Variants in NRCAM observed in about 807,000 individuals in gnomAD.
The protein encoded by NRCAM is NgCAM-related cell adhesion molecule.
Under a neutral mutation model 156.5 loss-of-function variants are expected in NRCAM, and 83 were observed. The ratio of observed to expected loss-of-function variants is 0.53; its 90% CI spans 0.44 to 0.64. The LOEUF (loss-of-function observed/expected upper bound fraction) is 0.64. Among genes scored for constraint, NRCAM ranks in the 30% least tolerant of loss-of-function variants. The pLI, the probability that NRCAM is intolerant of heterozygous loss-of-function variation, is 0.00. For missense variants in NRCAM, 1,417 were observed against 1,597.3 expected (o/e 0.89, Z 1.92); for synonymous variants, 538 against 563.9 (o/e 0.95, Z 0.65).
intron 2 of NRCAM, among the ~76,000 whole-genome samples, chr7:108,359,468 G>T (rs1388996458): frequency 6.6e-6 from 1 of 152,156 alleles, no homozygotes; most frequent in Non-Finnish European, 1.5e-5. Context: ...ATTGGCAATG[G>T]GAGATGGGAA....
At chr7:108,327,633 T>C (rs2099083350) in intron 2 of NRCAM, among the ~76,000 whole-genome samples, 1 of 152,200 alleles carries the variant, frequency 6.6e-6, no homozygotes, top group Non-Finnish European at 1.5e-5. Flanking sequence ...GCATGGAGTA[T>C]AATCTTACAG....
At chr7:108,160,555 C>G in intron 30 of NRCAM, 63 bp from the exon 31 acceptor site, 3 of 1,487,694 alleles carry the variant, frequency 2.0e-6, no homozygotes, top group Non-Finnish European at 2.7e-6. Context: ...CTGCTGCAGT[C>G]TCTCAGAGTA....
chr7:108,293,360 C>T (rs1358793917), intron 3 of NRCAM, among the ~76,000 whole-genome samples: 2 of 152,176 alleles, frequency 1.3e-5, no homozygotes, highest in African/African-American at 2.4e-5. Context: ...TTAATAAGTT[C>T]ATTTGTGTAA....
At chr7:108,437,126 GGAAC>G (rs1833160901) in intron 1 of NRCAM, among the ~76,000 whole-genome samples, 1 of 152,174 alleles carries the variant, frequency 6.6e-6, no homozygotes, top group Non-Finnish European at 1.5e-5. Flanking sequence ...CAACATGGGT[GGAAC>G]TGAAGGTCAT....
At position 108,240,173 on chromosome 7, in the gene NRCAM, G is replaced by A; in HGVS notation, c.-106-3C>T. 1 of 680,882 alleles carries A rather than the reference G, an allele frequency of 1.5e-6. No individual in the cohort carries two copies. The highest frequency in any genetic ancestry group is 2.6e-6 in the Non-Finnish European group (1 of 386,974). The allele number at this position is 680,882 out of a possible 1,614,324, so 42.2% of individuals were successfully genotyped here. Reference sequence around the variant, plus strand: ...TTAAGTAATTTTCATGCGGGAAACTGAAAAAGGATAGAGTAGGAATAATAA... The same window carrying A: ...TTAAGTAATTTTCATGCGGGAAACTAAAAAAGGATAGAGTAGGAATAATAA... On this transcript the variant is annotated splice_region_variant and splice_polypyrimidine_tract_variant and intron_variant, in intron 3 of 32. Coordinates refer to ENST00000379028, the MANE Select transcript of NRCAM (RefSeq NM_001037132.4).
At chr7:108,159,689 A>G in intron 31 of NRCAM, 148 bp from the exon 32 acceptor site, 3 of 608,730 alleles carry the variant, frequency 4.9e-6, no homozygotes, top group Non-Finnish European at 8.5e-6. Context: ...GTGGCCATGC[A>G]TATATTTTGG....
chr7:108,384,763 G>A (rs1366115524), intron 2 of NRCAM, among the ~76,000 whole-genome samples: 1 of 152,126 alleles, frequency 6.6e-6, no homozygotes, highest in African/African-American at 2.4e-5. Context: ...CCACACTGCT[G>A]GTTTATTGAC....
chr7:108,299,986 C>T (rs935094554), intron 3 of NRCAM, among the ~76,000 whole-genome samples: 2 of 152,116 alleles, frequency 1.3e-5, no homozygotes, highest in Non-Finnish European at 2.9e-5. Flanking sequence ...TGAGATAAAA[C>T]ATGTGCAGTA....
intron 2 of NRCAM, among the ~76,000 whole-genome samples, chr7:108,324,477 C>T (rs2099041759): frequency 6.6e-6 from 1 of 152,070 alleles, no homozygotes; most frequent in Admixed American, 6.6e-5. Flanking sequence ...TCAAACAGGC[C>T]AAATTTGGGT....
chr7:108,364,329 A>G (rs2099578457), intron 2 of NRCAM, among the ~76,000 whole-genome samples: 1 of 152,362 alleles, frequency 6.6e-6, no homozygotes, highest in East Asian at 1.9e-4. Flanking sequence ...CCATTAAGAT[A>G]GCTATAATAG....
chr7:108,441,129 A>G (rs1838055097), intron 1 of NRCAM, among the ~76,000 whole-genome samples: 1 of 152,258 alleles, frequency 6.6e-6, no homozygotes, highest in Non-Finnish European at 1.5e-5. Flanking sequence ...AAAAACCTTT[A>G]GAATTCTCAT....
chr7:108,233,161 T>C (rs1373244545), intron 6 of NRCAM, among the ~76,000 whole-genome samples: 1 of 152,176 alleles, frequency 6.6e-6, no homozygotes, highest in Non-Finnish European at 1.5e-5. Context: ...GATCCCTCTT[T>C]CTCCATTTTA....
At chr7:108,245,821 C>A (rs1056721790) in intron 3 of NRCAM, among the ~76,000 whole-genome samples, 7 of 152,308 alleles carry the variant, frequency 4.6e-5, no homozygotes, top group Non-Finnish European at 7.4e-5. Flanking sequence ...TTATTTGCAA[C>A]ACACATGATC....
rs577826012 is a variant in NRCAM at position 108,338,427 on chromosome 7, G to A, written c.-173-25696C>T. Reference sequence around the variant, plus strand: ...TAGGCATCTAGGCTCTAAACCCAGGGAGTCTTGTCCCTGATGTCCCTACCG... The same window carrying A: ...TAGGCATCTAGGCTCTAAACCCAGGAAGTCTTGTCCCTGATGTCCCTACCG... On this transcript the variant is annotated intron_variant, in intron 2 of 32. Transcript: ENST00000379028. 3.9e-5 allele frequency among the ~76,000 whole-genome samples: 6 copies of A among 152,294 alleles called. No homozygotes were observed. The South Asian group carries it at 1.2e-3, about 32-fold the overall frequency.
chr7:108,450,269 T>C (rs1848842237), intron 1 of NRCAM, among the ~76,000 whole-genome samples: 1 of 152,078 alleles, frequency 6.6e-6, no homozygotes, highest in African/African-American at 2.4e-5. Context: ...TTTTTTTTTT[T>C]TTATCTTCAC....
intron 3 of NRCAM, among the ~76,000 whole-genome samples, chr7:108,293,185 A>AC (rs2098358358): frequency 6.6e-6 from 1 of 152,138 alleles, no homozygotes; most frequent in Non-Finnish European, 1.5e-5. Flanking sequence ...TACTGCATCC[A>AC]CCCACCAGCT....
intron 3 of NRCAM, among the ~76,000 whole-genome samples, chr7:108,279,913 C>A (rs2154083702): frequency 6.6e-6 from 1 of 152,198 alleles, no homozygotes; most frequent in Admixed American, 6.5e-5. Flanking sequence ...TGTAATTTAA[C>A]AGCTACATAA....
intron 2 of NRCAM, among the ~76,000 whole-genome samples, chr7:108,369,383 A>T (rs2099614383): frequency 6.6e-6 from 1 of 152,106 alleles, no homozygotes; most frequent in South Asian, 2.1e-4. Context: ...TGAAAATTTA[A>T]AAAGTAACTT....
At chr7:108,161,195 A>AGC (rs1327188357) in intron 30 of NRCAM, among the ~76,000 whole-genome samples, 1 of 152,214 alleles carries the variant, frequency 6.6e-6, no homozygotes, top group Non-Finnish European at 1.5e-5. Flanking sequence ...GATCCATTCA[A>AGC]AAGACCGGAA....
Sources: allele counts gnomAD v4.1 joint callset (sites outside exome capture counted in the v4.1 genomes callset), GRCh38; gene constraint gnomAD v4.1.1; transcripts MANE v1.5; gene names NCBI Gene and HGNC (gene_info 2026-07-23, HGNC 2026-07-21).